NSD2: variants seen among roughly 807,000 people sequenced by gnomAD.
NSD2 encodes the protein nuclear receptor binding SET domain protein 2.
A neutral mutation model predicts 139.0 loss-of-function variants in NSD2; 12 were observed. The ratio of observed to expected loss-of-function variants is 0.09; its 90% confidence interval spans 0.06 to 0.14. NSD2 has a LOEUF of 0.14. Among genes scored for constraint, NSD2 ranks in the 10% least tolerant of loss-of-function variants. The probability of loss-of-function intolerance (pLI) is 1.00; values close to 1 mark genes in which losing one functional copy is unlikely to be tolerated. For missense variants in NSD2, 1,155 were observed against 1,745.0 expected, an observed-to-expected ratio of 0.66 and a Z score of 6.02; for synonymous variants, 669 against 648.7, an observed-to-expected ratio of 1.03 and a Z score of -0.48.
rs1716768160 is a variant in NSD2, at chr4:1,898,777, C to T, written c.-29-1849C>T. On this transcript the variant is annotated intron_variant, in intron 1 of 21. Coordinates refer to ENST00000508803, the MANE Select transcript of NSD2 (RefSeq NM_001042424.3). ...GCTTGGAATCAGCCTGGAATTTGGG[C>T]AGAGTTTATAGGCAGAATTTGGGAC... Among the ~76,000 whole-genome samples, 8 of 148,180 alleles carry T rather than the reference C, an allele frequency of 5.4e-5. No individual in the cohort carries two copies. In the South Asian group the frequency reaches 1.7e-3, roughly 31 times the overall value.
chr4:1,917,104 T>C (rs1256505350), intron 4 of NSD2, 67 bp downstream of exon 4: 9 of 1,427,132 alleles, frequency 6.3e-6, no homozygotes, highest in East Asian at 5.0e-5. Flanking sequence ...AGTTAACTTA[T>C]TTTTGTTTTG....
At chr4:1,882,583 G>C (rs946183104) in intron 1 of NSD2, among the ~76,000 whole-genome samples, 1 of 152,170 alleles carries the variant, frequency 6.6e-6, no homozygotes, top group Non-Finnish European at 1.5e-5. Context: ...AGAATGGTGT[G>C]AACCCGGGAG....
intron 12 of NSD2, among the ~76,000 whole-genome samples, chr4:1,954,157 G>A (rs187856179): frequency 3.9e-5 from 6 of 152,130 alleles, no homozygotes; most frequent in African/African-American, 1.4e-4. Flanking sequence ...CCTAATTTTT[G>A]TATTTTTAGT....
At chr4:1,875,982 GA>G (rs1242574286) in intron 1 of NSD2, among the ~76,000 whole-genome samples, 4 of 151,826 alleles carry the variant, frequency 2.6e-5, no homozygotes, top group African/African-American at 7.3e-5. Flanking sequence ...TTGGGAGGCC[GA>G]GGCGGGTGGA....
Position 1,974,648 on chromosome 4 carries a change from G to T in NSD2, c.3373-215G>T. 2 of 752,238 alleles carry T rather than the reference G, an allele frequency of 2.7e-6. No homozygotes were observed. Among genetic ancestry groups the T allele is most frequent in the Non-Finnish European group, 4.8e-6 (2 of 417,730 alleles). The allele number at this position is 752,238 out of a possible 1,614,324, so 46.6% of individuals were successfully genotyped here. A position where few individuals can be genotyped will look rare whatever the true frequency, so the allele number is the denominator to read the frequency against. ...CCTGTCCTCCCCGGCGCTCACTAAGGCTCGGTCCTCTCCACGTGGTCCTGA... is the reference window on the plus strand; with the variant it reads ...CCTGTCCTCCCCGGCGCTCACTAAGTCTCGGTCCTCTCCACGTGGTCCTGA... On this transcript the variant is annotated intron_variant, in intron 18 of 21. Coordinates refer to ENST00000508803, the MANE Select transcript of NSD2 (RefSeq NM_001042424.3). This position sits in a 1 kb window ranked among gnomAD's most constrained non-coding sequence, Gnocchi z 4.0.
chr4:1,973,151 T>C lies in NSD2; in HGVS notation c.3373-1712T>C, dbSNP rs1239741631. ...TGAGCCACCGCGCCCGGCCGACATA[T>C]TGTTATAAAGGGGTCTGATGTTTGG... On this transcript the variant is annotated intron_variant, in intron 18 of 21. Coordinates refer to ENST00000508803, the MANE Select transcript of NSD2 (RefSeq NM_001042424.3). This position sits in a 1 kb window ranked among gnomAD's most constrained non-coding sequence, Gnocchi z 5.5. Among the ~76,000 whole-genome samples the C allele has an allele frequency of 6.6e-6, 1 of 152,148 alleles. No individual in the cohort carries two copies. The highest frequency in any genetic ancestry group is 1.5e-5 in the Non-Finnish European group (1 of 68,024).
At chr4:1,890,325 G>A (rs1156522524) in intron 1 of NSD2, among the ~76,000 whole-genome samples, 4 of 151,304 alleles carry the variant, frequency 2.6e-5, no homozygotes, top group South Asian at 2.1e-4. Context: ...TTGAGATGGC[G>A]TCTCGCTCTG....
Position 1,942,269 on chromosome 4 carries a change from GTTTTGTAACTTCA to G in NSD2, c.1881+2496_1881+2508del. On this transcript the variant is annotated intron_variant, in intron 9 of 21. Coordinates refer to ENST00000508803, the MANE Select transcript of NSD2 (RefSeq NM_001042424.3). This position sits in a 1 kb window ranked among gnomAD's most constrained non-coding sequence, Gnocchi z 4.0. ...GTGAAGGAATTAATGTGATTTAAGT[GTTTTGTAACTTCA>G]TTTTTTATTCCTTTAGTAGAGCAAA... 6.3e-7 allele frequency: 1 copy of G among 1,592,714 alleles called. No homozygotes were observed. The highest frequency in any genetic ancestry group is 1.1e-5 in the South Asian group (1 of 86,962).
At chr4:1,889,081 A>G (rs1300569837) in intron 1 of NSD2, among the ~76,000 whole-genome samples, 1 of 151,528 alleles carries the variant, frequency 6.6e-6, no homozygotes, top group Non-Finnish European at 1.5e-5. Flanking sequence ...TATTTTTAGT[A>G]GAGACGAGGT....
chr4:1,918,631 C>T lies in NSD2; in HGVS notation c.1410+8C>T. The T allele has an allele frequency of 1.2e-6, 2 of 1,611,688 alleles. No homozygotes were observed. Among genetic ancestry groups the T allele is most frequent in the Non-Finnish European group, 1.7e-6 (2 of 1,178,824 alleles). On this transcript the variant is annotated splice_region_variant and intron_variant, in intron 5 of 21. Coordinates refer to ENST00000508803, the MANE Select transcript of NSD2 (RefSeq NM_001042424.3). ...CAAAAACACAGGGATGAGGTCAGTA[C>T]TAAGTTGTGTTTCATGCTAGCAAGT...
At chr4:1,938,402 T>TTTTTTTTTTTTTTTG in intron 7 of NSD2, 49 bp from the exon 8 acceptor site, 1 of 1,094,976 alleles carries the variant, frequency 9.1e-7, no homozygotes, top group South Asian at 2.0e-5. Flanking sequence ...TTTTCTTTTC[T>TTTTTTTTTTTTTTTG]TTTTTTTTTC....
At position 1,940,165 on chromosome 4, in the gene NSD2, C is replaced by G. The variant is rs932143126; in HGVS notation, c.1881+387C>G. On this transcript the variant is annotated intron_variant, in intron 9 of 21. Coordinates refer to ENST00000508803, the MANE Select transcript of NSD2 (RefSeq NM_001042424.3). The stretch of plus-strand genomic sequence containing the variant: ...ACAGTGTCAGTTGAGCTGACATATA[C>G]TGGGTGGGGTGGAAGGCGACTCACA... 3 of 1,104,818 alleles carry G rather than the reference C, an allele frequency of 2.7e-6. No homozygotes were observed. The African/African-American group carries it at 4.8e-5, about 18-fold the overall frequency. The allele number at this position is 1,104,818 out of a possible 1,614,324, so 68.4% of individuals were successfully genotyped here. A position where few individuals can be genotyped will look rare whatever the true frequency, so the allele number is the denominator to read the frequency against.
At chr4:1,916,846 T>G in intron 3 of NSD2, 25 bp from the exon 4 acceptor site, 1 of 1,584,142 alleles carries the variant, frequency 6.3e-7, no homozygotes, top group Non-Finnish European at 8.6e-7. Context: ...ACTTTCATTC[T>G]CTAACATTTT....
At chr4:1,893,052 C>A (rs923725602) in intron 1 of NSD2, among the ~76,000 whole-genome samples, 1 of 152,200 alleles carries the variant, frequency 6.6e-6, no homozygotes, top group Non-Finnish European at 1.5e-5. Context: ...AACAGCACTT[C>A]TCCAGTACCA....
chr4:1,959,860 T>A (rs530532030), intron 17 of NSD2, 120 bp downstream of exon 17: 102 of 1,306,256 alleles, frequency 7.8e-5, no homozygotes, highest in East Asian at 1.5e-4. Flanking sequence ...GGAAAAAAAA[T>A]TTTTTTTGTT....
intron 3 of NSD2, among the ~76,000 whole-genome samples, chr4:1,915,611 T>C (rs892856846): frequency 1.1e-4 from 16 of 152,320 alleles, no homozygotes; most frequent in African/African-American, 3.4e-4. Flanking sequence ...GTCCAGGGGT[T>C]CCTTGGTGCT....
intron 1 of NSD2, among the ~76,000 whole-genome samples, chr4:1,899,660 T>C (rs148207579): frequency 1.1e-4 from 16 of 152,352 alleles, no homozygotes; most frequent in African/African-American, 3.8e-4. Context: ...TATTCCTAGC[T>C]GTGTTTTGGG....
At chr4:1,960,166 T>C (rs1315046168) in intron 17 of NSD2, among the ~76,000 whole-genome samples, 2 of 152,202 alleles carry the variant, frequency 1.3e-5, no homozygotes, top group African/African-American at 4.8e-5. Flanking sequence ...ACCTGAAATA[T>C]TTTTTTGAAT....
intron 1 of NSD2, chr4:1,893,966 T>C (rs1715892623): frequency 6.6e-6 from 1 of 152,282 alleles, no homozygotes; most frequent in Non-Finnish European, 1.5e-5. Flanking sequence ...AGTCTTGCTC[T>C]GTAGCCCAGG....
Sources: gnomAD v4.1 joint callset for allele counts (sites outside exome capture counted in the v4.1 genomes callset) on GRCh38, gnomAD v4.1.1 for gene constraint, Gnocchi (gnomAD v3.1) non-coding constraint, MANE v1.5 for transcripts, NCBI Gene and HGNC (gene_info 2026-07-23, HGNC 2026-07-21) for gene names.